Variants in GALNTL6 observed in about 807,000 individuals in gnomAD.
GALNTL6 encodes the protein polypeptide N-acetylgalactosaminyltransferase like 6, also known as polypeptide N-acetylgalactosaminyltransferase-like 6.
GALNTL6 carries 46 observed loss-of-function variants against 73.7 expected under a neutral mutation model. The ratio of observed to expected loss-of-function variants is 0.62; its 90% CI spans 0.49 to 0.80. The LOEUF is 0.80. Ranked by LOEUF, GALNTL6 falls within the 30% of genes least tolerant of loss-of-function variation. The pLI is 0.00. For synonymous variants in GALNTL6, 259 were observed against 263.7 expected (o/e 0.98, Z 0.17); for missense variants, 604 against 755.0 (o/e 0.80, Z 2.34).
intron 11 of GALNTL6, among the ~76,000 whole-genome samples, chr4:173,010,318 C>G (rs1752489143): frequency 6.6e-6 from 1 of 152,228 alleles, no homozygotes; most frequent in Non-Finnish European, 1.5e-5. Context: ...CCAGTTCCAT[C>G]CATGTTGTTG....
intron 5 of GALNTL6, among the ~76,000 whole-genome samples, chr4:172,552,837 T>TAAAAA (rs397933315): frequency 0.021 from 1,673 of 80,370 alleles, 120 homozygotes; most frequent in Middle Eastern, 0.024. Context: ...GTAATTGCAG[T>TAAAAA]AAAAAAAAAA....
At chr4:172,715,577 A>G (rs543436017) in intron 5 of GALNTL6, among the ~76,000 whole-genome samples, 1 of 152,330 alleles carries the variant, frequency 6.6e-6, no homozygotes, top group South Asian at 2.1e-4. Flanking sequence ...AGAAGAAAGC[A>G]AACATATGTC....
At chr4:172,997,820 A>G (rs1751865022) in intron 10 of GALNTL6, among the ~76,000 whole-genome samples, 1 of 152,222 alleles carries the variant, frequency 6.6e-6, no homozygotes, top group Non-Finnish European at 1.5e-5. Context: ...CTTTATATGC[A>G]TGTAATGGAA....
rs367775479 is a variant in GALNTL6, at chr4:172,101,454, C to CGA, written c.139-128189_139-128188dup. Among the ~76,000 whole-genome samples, 601 of 151,754 alleles carry CGA rather than the reference C, an allele frequency of 4.0e-3. 3 individuals are homozygous for CGA. Among genetic ancestry groups the CGA allele is most frequent in the African/African-American group, 0.014 (560 of 41,394 alleles). On this transcript the variant is annotated intron_variant, in intron 2 of 12. Transcript: ENST00000506823. ...ACTCAGGAGATTTGGATTCTGCTGA[C>CGA]GAGAGAGAGAGAGATGTATTAAAAA...
intron 5 of GALNTL6, among the ~76,000 whole-genome samples, chr4:172,388,875 A>G (rs1193908089): frequency 6.6e-6 from 1 of 152,100 alleles, no homozygotes; most frequent in African/African-American, 2.4e-5. Context: ...AAATGAAATC[A>G]TGATCTATAT....
intron 2 of GALNTL6, among the ~76,000 whole-genome samples, chr4:172,156,543 A>ATATG: frequency 5.2e-5 from 1 of 19,358 alleles, no homozygotes; most frequent in Non-Finnish European, 1.1e-4. Flanking sequence ...TATATATAAT[A>ATATG]TATATATATA....
At chr4:172,064,658 C>T (rs1295421626) in intron 2 of GALNTL6, among the ~76,000 whole-genome samples, 1 of 152,148 alleles carries the variant, frequency 6.6e-6, no homozygotes, top group Non-Finnish European at 1.5e-5. Context: ...ATTGCCCCCT[C>T]CTTGTCATTC....
chr4:172,110,524 A>G (rs1732822874), intron 2 of GALNTL6, among the ~76,000 whole-genome samples: 1 of 152,188 alleles, frequency 6.6e-6, no homozygotes, highest in South Asian at 2.1e-4. Flanking sequence ...GATGTGCTAT[A>G]TTAGCCAACA....
chr4:172,727,386 A>T (rs887743351), intron 5 of GALNTL6, among the ~76,000 whole-genome samples: 3 of 152,254 alleles, frequency 2.0e-5, no homozygotes, highest in African/African-American at 7.2e-5. Context: ...CTATAAACGA[A>T]TTCAGTAAAT....
chr4:172,020,074 A>G (rs1741347622), intron 2 of GALNTL6, among the ~76,000 whole-genome samples: 1 of 152,278 alleles, frequency 6.6e-6, no homozygotes, highest in African/African-American at 2.4e-5. Flanking sequence ...CCAGTGAATC[A>G]ATGAATAAAT....
intron 5 of GALNTL6, among the ~76,000 whole-genome samples, chr4:172,721,987 T>TTC (rs1553979217): frequency 3.3e-5 from 2 of 61,022 alleles, no homozygotes; most frequent in Admixed American, 4.7e-4. Context: ...GGCGGAAGGC[T>TTC]TTTTTTTTTT....
chr4:172,428,447 G>A (rs1731307231), intron 5 of GALNTL6, among the ~76,000 whole-genome samples: 1 of 152,114 alleles, frequency 6.6e-6, no homozygotes, highest in South Asian at 2.1e-4. Flanking sequence ...AAAGTATTAT[G>A]ACACATAGTA....
intron 5 of GALNTL6, among the ~76,000 whole-genome samples, chr4:172,800,179 A>C (rs112013725): frequency 1.8e-4 from 28 of 152,270 alleles, no homozygotes; most frequent in African/African-American, 5.3e-4. Context: ...TATGGAGGGT[A>C]ATTGCACAAC....
chr4:172,522,794 C>A (rs1353099919), intron 5 of GALNTL6, among the ~76,000 whole-genome samples: 1 of 151,752 alleles, frequency 6.6e-6, no homozygotes, highest in African/African-American at 2.4e-5. Flanking sequence ...TAATTCATTG[C>A]ATTATTTGAC....
intron 5 of GALNTL6, among the ~76,000 whole-genome samples, chr4:172,681,318 G>A (rs1732622118): frequency 6.6e-6 from 1 of 151,232 alleles, no homozygotes; most frequent in Non-Finnish European, 1.5e-5. Flanking sequence ...TGATTTAATA[G>A]ATTAAAAAAA....
intron 5 of GALNTL6, among the ~76,000 whole-genome samples, chr4:172,364,564 C>T (rs1742489348): frequency 1.3e-5 from 2 of 152,168 alleles, no homozygotes; most frequent in South Asian, 4.1e-4. Flanking sequence ...ATTCTAAGAG[C>T]ATGAACCTAC....
rs1402857141 is a variant in GALNTL6 at position 173,021,603 on chromosome 4, A to G, written c.1616A>G (p.Asn539Ser). The G allele has an allele frequency of 1.2e-6, 2 of 1,613,990 alleles. No homozygotes were observed. Among genetic ancestry groups the G allele is most frequent in the Non-Finnish European group, 1.7e-6 (2 of 1,180,000 alleles). ...TATGACTGTCATGGCATGAAGGGGA[A>G]CCAGCTCTGGGGATACCGGAAGGTA... Reference protein sequence around the residue: ...TLYDCHGMKGNQLWGYRKDRT... With the variant: ...TLYDCHGMKGSQLWGYRKDRT... The change falls in exon 12 of 13, where the codon AAC (asparagine) becomes AGC (serine). Residue 539 changes from asparagine (N) to serine (S), a missense_variant. Coordinates refer to ENST00000506823, the MANE Select transcript of GALNTL6 (RefSeq NM_001034845.3).
chr4:172,141,277 A>G (rs1733791592), intron 2 of GALNTL6, among the ~76,000 whole-genome samples: 1 of 152,048 alleles, frequency 6.6e-6, no homozygotes, highest in African/African-American at 2.4e-5. Flanking sequence ...CAAGCACTCT[A>G]TTAGTTGCTG....
intron 2 of GALNTL6, among the ~76,000 whole-genome samples, chr4:171,879,509 G>A: frequency 6.6e-6 from 1 of 151,844 alleles, no homozygotes; most frequent in East Asian, 1.9e-4. Context: ...GTAATATATC[G>A]ATCACAATAT....
Sources: gnomAD v4.1 joint callset for allele counts (sites outside exome capture counted in the v4.1 genomes callset) on GRCh38, gnomAD v4.1.1 for gene constraint, MANE v1.5 for transcripts, NCBI Gene and HGNC (gene_info 2026-07-23, HGNC 2026-07-21) for gene names.